FAF1: variants seen among roughly 807,000 people sequenced by gnomAD.
FAF1 encodes FAS-associated factor 1.
Under a neutral mutation model 92.5 loss-of-function variants are expected in FAF1, and 25 were observed. The ratio of observed to expected loss-of-function variants is 0.27; its 90% CI spans 0.20 to 0.38. FAF1 has a LOEUF of 0.38. FAF1 is among the 10% of genes least tolerant of loss of function. The pLI is 1.00. For missense variants in FAF1, 636 were observed against 793.3 expected (o/e 0.80, Z 2.38); for synonymous variants, 234 against 273.2 (o/e 0.86, Z 1.42).
At chr1:50,504,147 T>C (rs916455024) in intron 15 of FAF1, among the ~76,000 whole-genome samples, 6 of 152,162 alleles carry the variant, frequency 3.9e-5, no homozygotes, top group Admixed American at 2.0e-4. Context: ...ATTAATGAAA[T>C]GTGAGTAATC....
chr1:50,582,805 T>C, intron 11 of FAF1, 106 bp from the exon 12 acceptor site: 1 of 709,668 alleles, frequency 1.4e-6, no homozygotes, highest in Non-Finnish European at 2.5e-6. Context: ...TAATGTCTAG[T>C]GCATACTAAA....
At chr1:50,955,896 A>G (rs1410983139) in intron 1 of FAF1, among the ~76,000 whole-genome samples, 7 of 152,222 alleles carry the variant, frequency 4.6e-5, no homozygotes, top group Non-Finnish European at 7.3e-5. Flanking sequence ...AAAAAGGGCA[A>G]ATACTCTATG....
At chr1:50,617,137 C>T (rs1652949415) in intron 8 of FAF1, among the ~76,000 whole-genome samples, 2 of 152,190 alleles carry the variant, frequency 1.3e-5, no homozygotes, top group East Asian at 3.8e-4. Context: ...TCATTTCTTT[C>T]TCTTGCCTGA....
chr1:50,530,619 A>T (rs1361870178), intron 15 of FAF1, among the ~76,000 whole-genome samples: 1 of 152,174 alleles, frequency 6.6e-6, no homozygotes, highest in East Asian at 1.9e-4. Context: ...TGTATATTTT[A>T]AAATAACTTA....
intron 15 of FAF1, among the ~76,000 whole-genome samples, chr1:50,522,331 T>C (rs950102892): frequency 3.3e-5 from 5 of 152,178 alleles, no homozygotes; most frequent in Non-Finnish European, 5.9e-5. Flanking sequence ...ACAGTTGTAT[T>C]ACCTTGGGCA....
intron 17 of FAF1, among the ~76,000 whole-genome samples, chr1:50,489,790 G>A (rs1646808728): frequency 6.6e-6 from 1 of 152,192 alleles, no homozygotes; most frequent in Non-Finnish European, 1.5e-5. Context: ...GTAACTCACA[G>A]TATCTTTTGG....
intron 15 of FAF1, among the ~76,000 whole-genome samples, chr1:50,514,653 G>T (rs1014302412): frequency 6.6e-6 from 1 of 152,196 alleles, no homozygotes; most frequent in Non-Finnish European, 1.5e-5. Context: ...TTGCTAGAAT[G>T]TAAGTCTCTG....
chr1:50,818,842 CAA>C (rs879840815), intron 2 of FAF1, among the ~76,000 whole-genome samples: 5 of 137,386 alleles, frequency 3.6e-5, no homozygotes, highest in Admixed American at 7.2e-5. Context: ...ATCCCCCCAC[CAA>C]AAAAAAAAAA....
intron 9 of FAF1, among the ~76,000 whole-genome samples, chr1:50,590,207 A>T (rs561340951): frequency 1.3e-5 from 2 of 152,334 alleles, no homozygotes; most frequent in East Asian, 3.9e-4. Context: ...GCAAAAAACC[A>T]CCATTGGAAT....
chr1:50,543,592 C>T (rs1557988444), intron 13 of FAF1, among the ~76,000 whole-genome samples: 1 of 152,072 alleles, frequency 6.6e-6, no homozygotes, highest in Non-Finnish European at 1.5e-5. Flanking sequence ...AAATTGGTCG[C>T]TATTTTACTA....
intron 2 of FAF1, among the ~76,000 whole-genome samples, chr1:50,811,208 G>A (rs1643905580): frequency 6.6e-6 from 1 of 152,044 alleles, no homozygotes. Flanking sequence ...GCAAGGGAGT[G>A]TGCATCTGTA....
chr1:50,766,791 CAAAAAAAAAAA>C (rs765570305), intron 4 of FAF1, among the ~76,000 whole-genome samples: 4 of 61,926 alleles, frequency 6.5e-5, no homozygotes, highest in Admixed American at 2.0e-4. Flanking sequence ...AGCAAGCAAG[CAAAAAAAAAAA>C]AAAAAAAAAA....
intron 17 of FAF1, among the ~76,000 whole-genome samples, chr1:50,489,633 T>C (rs1247118756): frequency 1.3e-5 from 2 of 151,934 alleles, no homozygotes; most frequent in African/African-American, 4.8e-5. Context: ...TTGGAGCACA[T>C]AGTACATATC....
intron 1 of FAF1, among the ~76,000 whole-genome samples, chr1:50,951,862 T>C (rs898741281): frequency 6.6e-6 from 1 of 152,210 alleles, no homozygotes; most frequent in Non-Finnish European, 1.5e-5. Context: ...TCTGGTATTG[T>C]CTTTTGTAGA....
At position 50,539,747 on chromosome 1, in the gene FAF1, C is replaced by T. The variant is rs369088622; in HGVS notation, c.1269-19G>A. 103 of 1,595,214 alleles carry T rather than the reference C, an allele frequency of 6.5e-5. No homozygotes were observed. The highest frequency in any genetic ancestry group is 7.5e-5 in the Non-Finnish European group (87 of 1,167,390). ...GAGAAATCTAAAAGGAGACAAAATA[C>T]AAAGTAAGTTTTGCTTTGTAGTTTA... is the stretch of plus-strand genomic sequence containing the variant. On this transcript the variant is annotated intron_variant, in intron 13 of 18. Coordinates refer to ENST00000396153, the MANE Select transcript of FAF1 (RefSeq NM_007051.3).
chr1:50,740,525 T>C (rs556891841), intron 5 of FAF1, among the ~76,000 whole-genome samples: 12 of 152,248 alleles, frequency 7.9e-5, no homozygotes, highest in African/African-American at 2.6e-4. Context: ...TGAAAAGAAA[T>C]ACATAATTAC....
chr1:50,621,795 C>G (rs990430527), intron 8 of FAF1, among the ~76,000 whole-genome samples: 2 of 152,116 alleles, frequency 1.3e-5, no homozygotes, highest in Non-Finnish European at 2.9e-5. Context: ...TGGCTAATCT[C>G]TGCCAGAGCT....
At chr1:50,549,859 G>A (rs1649218539) in intron 13 of FAF1, among the ~76,000 whole-genome samples, 1 of 152,046 alleles carries the variant, frequency 6.6e-6, no homozygotes, top group African/African-American at 2.4e-5. Flanking sequence ...GGGCTCAATC[G>A]ATCCTTCTAA....
intron 6 of FAF1, among the ~76,000 whole-genome samples, chr1:50,712,886 G>A (rs900472125): frequency 1.3e-5 from 2 of 151,890 alleles, no homozygotes; most frequent in African/African-American, 4.8e-5. Flanking sequence ...AGTTGGGGGG[G>A]CGCTGTGGCT....
Sources: gnomAD v4.1 joint callset for allele counts (sites outside exome capture counted in the v4.1 genomes callset) on GRCh38, gnomAD v4.1.1 for gene constraint, MANE v1.5 for transcripts, NCBI Gene and HGNC (gene_info 2026-07-23, HGNC 2026-07-21) for gene names.